The following PRDM16 variants were observed in gnomAD, a reference collection of about 807,000 sequenced individuals.
The protein encoded by PRDM16 is PR/SET domain 16, also known as histone-lysine N-methyltransferase PRDM16.
A neutral mutation model predicts 110.6 loss-of-function variants in PRDM16; 23 were observed. That is an observed-to-expected ratio of 0.21 (90% CI 0.15 to 0.29). The LOEUF (loss-of-function observed/expected upper bound fraction) is 0.29. Among genes scored for constraint, PRDM16 ranks in the 10% least tolerant of loss-of-function variants. The pLI is 1.00. For synonymous variants in PRDM16, 799 were observed against 781.8 expected (o/e 1.02, Z -0.37); for missense variants, 1,615 against 1,794.3 (o/e 0.90, Z 1.81).
rs1397900885 is a variant in PRDM16, at chr1:3,265,071, C to T, written c.438+20934C>T. Among the ~76,000 whole-genome samples the T allele has an allele frequency of 3.3e-5, 5 of 150,636 alleles. No homozygotes were observed. The highest frequency in any genetic ancestry group is 1.3e-4 in the Admixed American group (2 of 15,196). ...CCCCCAGCCTCTCTCTGACCCAGGG[C>T]CCAGGAGGGAGGGGAGACCAGCAGG... is the stretch of plus-strand genomic sequence containing the variant. On this transcript the variant is annotated intron_variant, in intron 3 of 16. Coordinates refer to ENST00000270722, the MANE Select transcript of PRDM16 (RefSeq NM_022114.4). This position sits in a 1 kb window ranked among gnomAD's most constrained non-coding sequence, Gnocchi z 4.5.
intron 2 of PRDM16, among the ~76,000 whole-genome samples, chr1:3,224,753 AC>A (rs1388559448): frequency 6.6e-6 from 1 of 152,192 alleles, no homozygotes; most frequent in Non-Finnish European, 1.5e-5. Context: ...GACAGGGGGA[AC>A]CCCTACTGTG....
intron 3 of PRDM16, among the ~76,000 whole-genome samples, chr1:3,270,501 G>A (rs574399119): frequency 6.6e-6 from 1 of 151,442 alleles, no homozygotes; most frequent in Admixed American, 6.6e-5. Flanking sequence ...TCCAGAGGAG[G>A]ACAGTCCCGG....
chr1:3,293,224 G>A (rs962408252), intron 3 of PRDM16, among the ~76,000 whole-genome samples: 1 of 152,236 alleles, frequency 6.6e-6, no homozygotes, highest in African/African-American at 2.4e-5. Flanking sequence ...ATCCTAAGTC[G>A]GGGCGAGGGG....
intron 9 of PRDM16, among the ~76,000 whole-genome samples, chr1:3,413,268 TGGAGCCACAGCGGCA>T (rs140554384): frequency 0.01 from 1,552 of 152,004 alleles, 27 homozygotes; most frequent in African/African-American, 0.036. Context: ...CTCCTGCCCC[TGGAGCCACAGCGGCA>T]GGGGGAATGG....
rs374918897 is a variant in PRDM16 at position 3,186,189 on chromosome 1, G to C, written c.102G>C (p.Ala34=). 3 of 1,612,880 alleles carry C rather than the reference G, an allele frequency of 1.9e-6. No individual in the cohort carries two copies. The South Asian group carries it at 3.3e-5, about 18-fold the overall frequency. Reference sequence around the variant, plus strand: ...GGGACCTGCTGGCCAGCCACAGCGCGGAGGACGAGGCCGAGGACAGTGCCA... The same window carrying C: ...GGGACCTGCTGGCCAGCCACAGCGCCGAGGACGAGGCCGAGGACAGTGCCA... The part of the protein sequence containing the change: ...PNRDLLASHS[A]EDEAEDSAMS... Residue 34 remains alanine (A), a synonymous_variant, in exon 2 of 17, where the codon GCG becomes GCC. Transcript: ENST00000270722.
At chr1:3,179,396 C>T (rs1305617502) in intron 1 of PRDM16, among the ~76,000 whole-genome samples, 3 of 152,354 alleles carry the variant, frequency 2.0e-5, no homozygotes, top group East Asian at 3.9e-4. Flanking sequence ...GCTCCTTCAC[C>T]CCCCTGTGCC....
chr1:3,076,865 A>G (rs993666993), intron 1 of PRDM16, among the ~76,000 whole-genome samples: 2 of 152,188 alleles, frequency 1.3e-5, no homozygotes, highest in East Asian at 1.9e-4. Context: ...CACCAAATGT[A>G]TATTCTATAA....
At chr1:3,144,236 C>T (rs1043367995) in intron 1 of PRDM16, among the ~76,000 whole-genome samples, 8 of 152,180 alleles carry the variant, frequency 5.3e-5, no homozygotes, top group Non-Finnish European at 7.3e-5. Flanking sequence ...GGGGGCCCGG[C>T]CCCACAGGGA....
rs574603611 is a variant in PRDM16, at chr1:3,086,548, C to T, written c.37+17252C>T. 5.3e-5 allele frequency among the ~76,000 whole-genome samples: 8 copies of T among 152,270 alleles called. No individual in the cohort carries two copies. The South Asian group carries it at 8.3e-4, about 16-fold the overall frequency. On this transcript the variant is annotated intron_variant, in intron 1 of 16. Transcript: ENST00000270722. Reference sequence around the variant, plus strand: ...CCCTCCACTTCTGGCCTCCTCCCGCCGGGCTGCCTTGTCATCTGGATGCTT... The same window carrying T: ...CCCTCCACTTCTGGCCTCCTCCCGCTGGGCTGCCTTGTCATCTGGATGCTT...
At position 3,436,899 on chromosome 1, in the gene PRDM16, C is replaced by T. The variant is rs971661860; in HGVS notation, c.*3088C>T. Reference sequence around the variant, plus strand: ...CCCCAATGCTAACTCCTTGGATTGTCAACCCCCATCCCCCAAATGGAAATT... The same window carrying T: ...CCCCAATGCTAACTCCTTGGATTGTTAACCCCCATCCCCCAAATGGAAATT... On this transcript the variant is annotated 3_prime_UTR_variant, in exon 17 of 17. Transcript: ENST00000270722. The T allele has an allele frequency of 1.7e-5, 4 of 232,992 alleles. No individual in the cohort carries two copies. The highest frequency in any genetic ancestry group is 8.8e-5 in the African/African-American group (4 of 45,286). 14.4% of individuals were successfully genotyped at this position (232,992 alleles called of 1,614,324 possible).
intron 1 of PRDM16, among the ~76,000 whole-genome samples, chr1:3,139,614 A>T (rs951695603): frequency 2.0e-5 from 3 of 152,224 alleles, no homozygotes; most frequent in Non-Finnish European, 2.9e-5. Context: ...TTGTTACAAT[A>T]TCTGTGGGTT....
intron 2 of PRDM16, among the ~76,000 whole-genome samples, chr1:3,202,126 G>A (rs1431604603): frequency 6.6e-6 from 1 of 152,174 alleles, no homozygotes; most frequent in African/African-American, 2.4e-5. Flanking sequence ...ACCCCCGAAG[G>A]TGTGCAAAGG....
At chr1:3,187,950 G>A (rs1035895284) in intron 2 of PRDM16, among the ~76,000 whole-genome samples, 12 of 152,218 alleles carry the variant, frequency 7.9e-5, no homozygotes, top group African/African-American at 2.9e-4. Flanking sequence ...CCCCCCCAAC[G>A]AGAGGCAGAG....
intron 1 of PRDM16, among the ~76,000 whole-genome samples, chr1:3,181,039 TACAC>T (rs879939199): frequency 2.2e-5 from 3 of 136,912 alleles, no homozygotes; most frequent in African/African-American, 5.4e-5. Context: ...CACGCGGTCT[TACAC>T]ACGCAGTCTT....
chr1:3,250,109 T>A (rs906451158), intron 3 of PRDM16, among the ~76,000 whole-genome samples: 1 of 148,016 alleles, frequency 6.8e-6, no homozygotes, highest in Non-Finnish European at 1.5e-5. Flanking sequence ...GCTTCCTCCG[T>A]CTTCTCTCCC....
In PRDM16 at chr1:3,212,618, A is replaced by ATCCTCCCAGCCCCCTCGCTGC. The variant is rs1638915910; in HGVS notation, c.387+26144_387+26145insTCCTCCCAGCCCCCTCGCTGC. 1.5e-4 allele frequency among the ~76,000 whole-genome samples: 19 copies of ATCCTCCCAGCCCCCTCGCTGC among 122,628 alleles called. 1 individual carries two copies. Among genetic ancestry groups the ATCCTCCCAGCCCCCTCGCTGC allele is most frequent in the African/African-American group, 6.6e-4 (18 of 27,366 alleles). 80.4% of individuals were successfully genotyped at this position (122,628 alleles called of 152,430 possible). ...GCTCATCCTCCCGGCCCCCTCGCTGAGGTCCTCCCGCTCATCCTCCCGGCC... is the reference window on the plus strand; with the variant it reads ...GCTCATCCTCCCGGCCCCCTCGCTGATCCTCCCAGCCCCCTCGCTGCGGTCCTCCCGCTCATCCTCCCGGCC... On this transcript the variant is annotated intron_variant, in intron 2 of 16. Coordinates refer to ENST00000270722, the MANE Select transcript of PRDM16 (RefSeq NM_022114.4).
chr1:3,326,302 C>A (rs1458100438), intron 3 of PRDM16, among the ~76,000 whole-genome samples: 1 of 152,208 alleles, frequency 6.6e-6, no homozygotes, highest in African/African-American at 2.4e-5. Flanking sequence ...ATAAAGACAC[C>A]CTACTTCCTT....
chr1:3,396,118 G>T (rs944101266), intron 4 of PRDM16, among the ~76,000 whole-genome samples: 1 of 152,076 alleles, frequency 6.6e-6, no homozygotes, highest in Non-Finnish European at 1.5e-5. Flanking sequence ...CTGGCAAAGC[G>T]GGTCTCACTT....
At chr1:3,119,364 A>G (rs1569604434) in intron 1 of PRDM16, among the ~76,000 whole-genome samples, 1 of 152,188 alleles carries the variant, frequency 6.6e-6, no homozygotes, top group African/African-American at 2.4e-5. Flanking sequence ...ACCTTTCTCC[A>G]GACACTGGCG....
Sources: allele counts gnomAD v4.1 joint callset (sites outside exome capture counted in the v4.1 genomes callset), GRCh38; gene constraint gnomAD v4.1.1; non-coding constraint Gnocchi (gnomAD v3.1); transcripts MANE v1.5; gene names NCBI Gene and HGNC (gene_info 2026-07-23, HGNC 2026-07-21).